The following GREM2 variants were observed in gnomAD, a reference collection of about 807,000 sequenced individuals.
The protein encoded by GREM2 is gremlin-2.
A neutral mutation model predicts 14.2 loss-of-function variants in GREM2; 11 were observed. That is an observed-to-expected ratio of 0.78 (90% confidence interval 0.49 to 1.28). The LOEUF (loss-of-function observed/expected upper bound fraction) is 1.28, where lower values mean the gene tolerates loss of function less well. Ranked by LOEUF, GREM2 falls within the 50% of genes most tolerant of loss-of-function variation. The probability of loss-of-function intolerance (pLI) is 0.00; values close to 1 mark genes in which losing one functional copy is unlikely to be tolerated. For missense variants in GREM2, 210 were observed against 218.5 expected (o/e 0.96, Z 0.24); for synonymous variants, 98 against 97.6 (o/e 1.00, Z -0.02).
At chr1:240,541,403 C>A (rs1480761595) in intron 1 of GREM2, among the ~76,000 whole-genome samples, 1 of 152,200 alleles carries the variant, frequency 6.6e-6, no homozygotes, top group Admixed American at 6.5e-5. Flanking sequence ...GCTTGCAGGA[C>A]ATTCTCTTTA....
At position 240,493,411 on chromosome 1, in the gene GREM2, C is replaced by T. The variant is rs1390968124; in HGVS notation, c.65G>A (p.Arg22Gln). ...GATGGCGCCCGCCGGCCGGTTCTTC[C>T]GGGCTTCCGCCACCTTCACCAGCAC... ...VAVLVKVAEA[R>Q]KNRPAGAIPS... is the part of the protein sequence containing the mutation. Residue 22 changes from arginine (R) to glutamine (Q), a missense_variant, in exon 2 of 2, where the codon CGG becomes CAG. By Grantham distance (43) the Arg-to-Gln change is conservative. Transcript: ENST00000318160. 1.9e-6 allele frequency: 3 copies of T among 1,613,166 alleles called. No individual in the cohort carries two copies. Among genetic ancestry groups the T allele is most frequent in the Middle Eastern group, 1.7e-4 (1 of 6,060 alleles).
In GREM2 at chr1:240,601,877, C is replaced by T. The variant is rs759658933; in HGVS notation, c.-2+10007G>A. ...AGCCAAGGCCGAGATTGCACCATTG[C>T]ACTCCAGCCTGGGCGACAGAGTGAG... On this transcript the variant is annotated intron_variant, in intron 1 of 1. Coordinates refer to ENST00000318160, the MANE Select transcript of GREM2 (RefSeq NM_022469.4). Among the ~76,000 whole-genome samples, 168 of 146,630 alleles carry T rather than the reference C, an allele frequency of 1.1e-3. 1 individual carries two copies. Among genetic ancestry groups the T allele is most frequent in the Non-Finnish European group, 1.9e-3 (126 of 67,380 alleles).
chr1:240,530,374 C>T (rs1295257662), intron 1 of GREM2: 3 of 152,178 alleles, frequency 2.0e-5, no homozygotes, highest in African/African-American at 4.8e-5. Context: ...AAGCTGATTT[C>T]TAAAAGCCTT....
At chr1:240,606,713 C>T (rs1051803859) in intron 1 of GREM2, among the ~76,000 whole-genome samples, 40 of 149,796 alleles carry the variant, frequency 2.7e-4, no homozygotes, top group African/African-American at 8.9e-4. Flanking sequence ...AGTTTCGCTC[C>T]TGTTGCCCAG....
At chr1:240,546,520 T>C (rs1449794493) in intron 1 of GREM2, among the ~76,000 whole-genome samples, 2 of 152,174 alleles carry the variant, frequency 1.3e-5, no homozygotes, top group Admixed American at 1.3e-4. Context: ...CTTTATCATA[T>C]TATCTCTGCC....
chr1:240,588,235 T>C (rs1365137568), intron 1 of GREM2, among the ~76,000 whole-genome samples: 2 of 152,240 alleles, frequency 1.3e-5, no homozygotes, highest in Non-Finnish European at 2.9e-5. Flanking sequence ...CCCATTGAGA[T>C]GACTGGCTTA....
rs570613504 is a variant in GREM2, at chr1:240,562,829, AGT to A, written c.-2+49053_-2+49054del. On this transcript the variant is annotated intron_variant, in intron 1 of 1. Transcript: ENST00000318160. ...TGTATGTGTGTATTGTGTACACGTG[AGT>A]GTGTGTATATGAGTGTGTATGTGTG... 6.2e-4 allele frequency among the ~76,000 whole-genome samples: 90 copies of A among 145,154 alleles called. 1 individual carries two copies. Among genetic ancestry groups the A allele is most frequent in the Non-Finnish European group, 6.8e-4 (45 of 65,886 alleles).
chr1:240,605,771 C>T (rs1680013063), intron 1 of GREM2, among the ~76,000 whole-genome samples: 1 of 151,670 alleles, frequency 6.6e-6, no homozygotes. Context: ...ACAGGCCATC[C>T]CAGGGGAATG....
At chr1:240,523,982 G>A (rs1053817686) in intron 1 of GREM2, among the ~76,000 whole-genome samples, 2 of 152,060 alleles carry the variant, frequency 1.3e-5, no homozygotes, top group East Asian at 1.9e-4. Context: ...TATATTGTCT[G>A]TTTAAATCCT....
intron 1 of GREM2, among the ~76,000 whole-genome samples, chr1:240,530,283 TC>T (rs1157454087): frequency 1.3e-5 from 2 of 152,166 alleles, no homozygotes; most frequent in African/African-American, 2.4e-5. Flanking sequence ...TTTCCTGAAT[TC>T]TCAGACAATG....
chr1:240,558,448 AAATT>A (rs1415764544), intron 1 of GREM2, among the ~76,000 whole-genome samples: 1 of 152,096 alleles, frequency 6.6e-6, no homozygotes, highest in Non-Finnish European at 1.5e-5. Context: ...TATGACATTG[AAATT>A]AATTAATTAA....
At chr1:240,568,102 C>G (rs997192109) in intron 1 of GREM2, among the ~76,000 whole-genome samples, 4 of 151,878 alleles carry the variant, frequency 2.6e-5, no homozygotes, top group African/African-American at 9.7e-5. Context: ...GAGTGAGACC[C>G]TGTCTCAAAA....
At chr1:240,556,782 A>T (rs1678958285) in intron 1 of GREM2, among the ~76,000 whole-genome samples, 1 of 152,242 alleles carries the variant, frequency 6.6e-6, no homozygotes, top group South Asian at 2.1e-4. Context: ...AAATCTCCAC[A>T]AACTAAAAAC....
intron 1 of GREM2, among the ~76,000 whole-genome samples, chr1:240,547,264 G>C (rs1678747297): frequency 6.6e-6 from 1 of 151,988 alleles, no homozygotes; most frequent in East Asian, 1.9e-4. Flanking sequence ...GCTTTGGGAG[G>C]CCGAGGTGGG....
chr1:240,601,055 T>C (rs1402579952), intron 1 of GREM2, among the ~76,000 whole-genome samples: 3 of 152,192 alleles, frequency 2.0e-5, no homozygotes, highest in Non-Finnish European at 4.4e-5. Context: ...AAAGTAGTAA[T>C]AGTAATAAAC....
At chr1:240,514,087 A>C (rs12044112) in intron 1 of GREM2, among the ~76,000 whole-genome samples, 74,335 of 151,658 alleles carry the variant, frequency 0.49, 20,023 homozygotes, top group African/African-American at 0.73. Flanking sequence ...CTCTACAAAA[A>C]AATACAAAAA....
chr1:240,553,906 G>A (rs976892004), intron 1 of GREM2, among the ~76,000 whole-genome samples: 2 of 152,106 alleles, frequency 1.3e-5, no homozygotes, highest in African/African-American at 4.8e-5. Context: ...GTAAATCCTA[G>A]GTATGTATGA....
In GREM2 at chr1:240,612,060, G is replaced by T. The variant is rs1680150838; in HGVS notation, c.-178C>A. The T allele has an allele frequency of 6.5e-6, 1 of 152,714 alleles. No homozygotes were observed. Among genetic ancestry groups the T allele is most frequent in the African/African-American group, 2.4e-5 (1 of 41,454 alleles). The allele number at this position is 152,714 out of a possible 1,614,324, so 9.5% of individuals were successfully genotyped here. On this transcript the variant is annotated 5_prime_UTR_variant, in exon 1 of 2. Transcript: ENST00000318160. ...AGACGCCCATAAGAGAAGCGCGCCG[G>T]CTGAGGGTGCAGGAGAGGCGAGAGC...
At chr1:240,500,302 CTTT>C (rs72003898) in intron 1 of GREM2, among the ~76,000 whole-genome samples, 2 of 146,580 alleles carry the variant, frequency 1.4e-5, no homozygotes, top group African/African-American at 5.0e-5. Flanking sequence ...TGTGGATAAT[CTTT>C]TTTTTTTTTT....
Sources: allele counts gnomAD v4.1 joint callset (sites outside exome capture counted in the v4.1 genomes callset), GRCh38; gene constraint gnomAD v4.1.1; transcripts MANE v1.5; gene names NCBI Gene and HGNC (gene_info 2026-07-23, HGNC 2026-07-21).